The following DOP1A variants were observed in gnomAD, a reference collection of about 807,000 sequenced individuals.
The protein encoded by DOP1A is DOP1 leucine zipper like protein A.
DOP1A carries 90 observed loss-of-function variants against 267.6 expected under a neutral mutation model. The observed-to-expected ratio is 0.34, with a 90% CI of 0.28 to 0.40. The LOEUF (loss-of-function observed/expected upper bound fraction) is 0.40. Ranked by LOEUF, DOP1A falls within the 10% of genes least tolerant of loss-of-function variation. The probability of loss-of-function intolerance (pLI) is 1.00; values close to 1 mark genes in which losing one functional copy is unlikely to be tolerated. For missense variants in DOP1A, 2,437 were observed against 2,900.4 expected, an observed-to-expected ratio of 0.84 and a Z score of 3.67; for synonymous variants, 932 against 999.1, an observed-to-expected ratio of 0.93 and a Z score of 1.27.
At chr6:83,141,363 A>G (rs757797557) in intron 23 of DOP1A, among the ~76,000 whole-genome samples, 4 of 152,110 alleles carry the variant, frequency 2.6e-5, no homozygotes, top group African/African-American at 4.8e-5. Context: ...TTGCACTCTG[A>G]TATTTTCCAA....
chr6:83,138,913 C>T lies in DOP1A; in HGVS notation c.4871C>T (p.Thr1624Ile), dbSNP rs756333091. Residue 1624 changes from threonine (T) to isoleucine (I), a missense_variant, in exon 21 of 39, where the codon ACT becomes ATT. Coordinates refer to ENST00000349129, the MANE Select transcript of DOP1A (RefSeq NM_015018.4). The stretch of plus-strand genomic sequence containing the variant: ...CACATCAGTCCCCATCAACCCATGA[C>T]TTCTCTTCAGTATTTGCATGCTCAG... ...LEHISPHQPM[T>I]SLQYLHAQPI... The T allele has an allele frequency of 6.2e-7, 1 of 1,614,098 alleles. No individual in the cohort carries two copies. The highest frequency in any genetic ancestry group is 1.1e-5 in the South Asian group (1 of 91,086).
At chr6:83,135,051 C>G (rs528241831) in intron 19 of DOP1A, among the ~76,000 whole-genome samples, 3 of 152,246 alleles carry the variant, frequency 2.0e-5, no homozygotes, top group Admixed American at 6.5e-5. Context: ...ATAATCATCT[C>G]TTATTTGACA....
chr6:83,123,557 G>GT, intron 12 of DOP1A, among the ~76,000 whole-genome samples: 1 of 152,000 alleles, frequency 6.6e-6, no homozygotes, highest in East Asian at 1.9e-4. Flanking sequence ...TAGTCAAAAT[G>GT]TAATTATGTA....
chr6:83,142,115 C>T (rs1779746612), intron 24 of DOP1A, 69 bp downstream of exon 24: 1 of 1,562,418 alleles, frequency 6.4e-7, no homozygotes, highest in Non-Finnish European at 8.7e-7. Flanking sequence ...TCCACTTCTC[C>T]ATATATTGCA....
chr6:83,147,462 G>A (rs1170609964), intron 26 of DOP1A, among the ~76,000 whole-genome samples, 171 bp downstream of exon 26: 2 of 152,130 alleles, frequency 1.3e-5, no homozygotes, highest in Non-Finnish European at 2.9e-5. Context: ...ACACTGAATT[G>A]TGATAAAATC....
chr6:83,170,426 G>A (rs1350897187), downstream of DOP1A: 1 of 1,614,054 alleles, frequency 6.2e-7, no homozygotes, highest in South Asian at 1.1e-5. Flanking sequence ...TCCTGGGGGT[G>A]TAACTGCTTG....
intron 9 of DOP1A, among the ~76,000 whole-genome samples, chr6:83,120,342 G>A (rs1776170748): frequency 6.6e-6 from 1 of 151,864 alleles, no homozygotes; most frequent in African/African-American, 2.4e-5. Context: ...TTGCCTAATA[G>A]CAGACACTGC....
At chr6:83,151,722 G>T in intron 28 of DOP1A, 63 bp downstream of exon 28, 2 of 1,512,486 alleles carry the variant, frequency 1.3e-6, no homozygotes, top group Non-Finnish European at 1.8e-6. Flanking sequence ...GAAAATGAGA[G>T]AGTCAAATAA....
chr6:83,170,382 ACTT>A, downstream of DOP1A: 2 of 1,614,122 alleles, frequency 1.2e-6, no homozygotes, highest in Non-Finnish European at 1.7e-6. Context: ...GAAAGCTTGT[ACTT>A]CTTCACCAGG....
intron 4 of DOP1A, among the ~76,000 whole-genome samples, chr6:83,105,915 C>T (rs1263390292): frequency 6.6e-6 from 1 of 152,104 alleles, no homozygotes; most frequent in Non-Finnish European, 1.5e-5. Context: ...CTATTTTTAT[C>T]ATTAGTATGT....
chr6:83,170,370 G>A (rs144104577), downstream of DOP1A: 45 of 1,613,952 alleles, frequency 2.8e-5, no homozygotes, highest in Non-Finnish European at 3.5e-5. Context: ...ACAAAAGCTC[G>A]AGAAAGCTTG....
Position 83,147,294 on chromosome 6 carries a change from A to C in DOP1A, c.5732+3A>C, listed in dbSNP as rs755214202. 2.1e-6 allele frequency: 3 copies of C among 1,456,950 alleles called. No individual in the cohort carries two copies. The highest frequency in any genetic ancestry group is 2.8e-6 in the Non-Finnish European group (3 of 1,056,424). 90.3% of individuals were successfully genotyped at this position (1,456,950 alleles called of 1,614,324 possible). On this transcript the variant is annotated splice_donor_region_variant and intron_variant, in intron 26 of 38. Transcript: ENST00000349129. ...TTTTTCTATGCTTATATTCAAAGGT[A>C]AGATTACTGATATTGATCTGTCCTT...
At chr6:83,068,086 G>T (rs1413055402) in intron 1 of DOP1A, among the ~76,000 whole-genome samples, 3 of 152,230 alleles carry the variant, frequency 2.0e-5, no homozygotes, top group Non-Finnish European at 4.4e-5. Flanking sequence ...GCCGGGGACA[G>T]GTCCCGAGCC....
chr6:83,145,123 G>GTATATATA (rs757358829), intron 24 of DOP1A, among the ~76,000 whole-genome samples: 5 of 47,990 alleles, frequency 1.0e-4, no homozygotes, highest in African/African-American at 3.9e-4. Context: ...TACATATATT[G>GTATATATA]TATATATATA....
chr6:83,114,257 T>C (rs1390230449), intron 7 of DOP1A, among the ~76,000 whole-genome samples: 2 of 152,190 alleles, frequency 1.3e-5, no homozygotes, highest in African/African-American at 2.4e-5. Flanking sequence ...CTACTCTTCC[T>C]TGTCTATACT....
At chr6:83,117,343 G>C (rs1000824601) in intron 7 of DOP1A, among the ~76,000 whole-genome samples, 15 of 151,716 alleles carry the variant, frequency 9.9e-5, no homozygotes, top group African/African-American at 2.7e-4. Context: ...GTAGAGATGG[G>C]GTTTCACCAT....
chr6:83,163,888 T>C (rs1562391049), intron 38 of DOP1A, among the ~76,000 whole-genome samples: 1 of 151,956 alleles, frequency 6.6e-6, no homozygotes, highest in Non-Finnish European at 1.5e-5. Context: ...AAAATAAAAT[T>C]TGTAAAATAT....
Position 83,128,991 on chromosome 6 carries a change from T to C in DOP1A, c.1824T>C (p.Tyr608=). ...GTGGATTCACTGAGTTTATACAATA[T>C]CAAGCAGACCGAACTGATGATATTG... ...SESGFTEFIQ[Y]QADRTDDIDR... Residue 608 remains tyrosine (Y), a synonymous_variant, in exon 16 of 39, where the codon TAT becomes TAC. Transcript: ENST00000349129. 6 of 1,612,476 alleles carry C rather than the reference T, an allele frequency of 3.7e-6. No individual in the cohort carries two copies. The highest frequency in any genetic ancestry group is 5.1e-6 in the Non-Finnish European group (6 of 1,179,252).
intron 15 of DOP1A, 99 bp downstream of exon 15, chr6:83,125,832 A>G (rs1583026421): frequency 1.9e-6 from 2 of 1,063,792 alleles, no homozygotes; most frequent in East Asian, 2.6e-5. Context: ...TTTAAATAAT[A>G]GTGAGTCTTT....
Sources: gnomAD v4.1 joint callset for allele counts (sites outside exome capture counted in the v4.1 genomes callset) on GRCh38, gnomAD v4.1.1 for gene constraint, MANE v1.5 for transcripts, NCBI Gene and HGNC (gene_info 2026-07-23, HGNC 2026-07-21) for gene names.